The following BRINP3 variants were observed in gnomAD, a reference collection of about 807,000 sequenced individuals.
BRINP3 encodes the protein BMP/retinoic acid inducible neural specific 3, also known as BMP/retinoic acid-inducible neural-specific protein 3.
BRINP3 carries 19 observed loss-of-function variants against 71.0 expected under a neutral mutation model. The ratio of observed to expected loss-of-function variants is 0.27; its 90% confidence interval spans 0.19 to 0.39. The LOEUF (loss-of-function observed/expected upper bound fraction) is 0.39, where lower values mean the gene tolerates loss of function less well. Ranked by LOEUF, BRINP3 falls within the 10% of genes least tolerant of loss-of-function variation. BRINP3 has a pLI of 1.00. For synonymous variants in BRINP3, 380 were observed against 337.7 expected, an observed-to-expected ratio of 1.13 and a Z score of -1.37; for missense variants, 959 against 940.8, an observed-to-expected ratio of 1.02 and a Z score of -0.25.
chr1:190,285,437 T>G lies in BRINP3; in HGVS notation c.237-3687A>C, dbSNP rs1403733545. On this transcript the variant is annotated intron_variant, in intron 2 of 7. Coordinates refer to ENST00000367462, the MANE Select transcript of BRINP3 (RefSeq NM_199051.3). The stretch of plus-strand genomic sequence containing the variant: ...CATATATCCCTAACGCTTAACAGGA[T>G]GAACAAGTGAATGAACTGAAAGTAA... 2.6e-5 allele frequency among the ~76,000 whole-genome samples: 4 copies of G among 152,182 alleles called. No individual in the cohort carries two copies. In the East Asian group the frequency reaches 7.7e-4, roughly 29 times the overall value.
At chr1:190,402,599 G>A (rs1672002293) in intron 2 of BRINP3, among the ~76,000 whole-genome samples, 1 of 152,104 alleles carries the variant, frequency 6.6e-6, no homozygotes, top group Non-Finnish European at 1.5e-5. Context: ...GCTGAACTTA[G>A]GGAATGAATA....
intron 2 of BRINP3, among the ~76,000 whole-genome samples, chr1:190,441,745 G>A (rs1472528426): frequency 6.6e-6 from 1 of 152,050 alleles, no homozygotes; most frequent in Non-Finnish European, 1.5e-5. Flanking sequence ...CACATGCAAT[G>A]CTCTCAAGAG....
At chr1:190,331,846 T>C (rs1666984709) in intron 2 of BRINP3, among the ~76,000 whole-genome samples, 1 of 152,054 alleles carries the variant, frequency 6.6e-6, no homozygotes, top group African/African-American at 2.4e-5. Context: ...AAATTATGCT[T>C]AGCAATGTCA....
rs74129276 is a variant in BRINP3 at position 190,307,963 on chromosome 1, C to A, written c.237-26213G>T. Among the ~76,000 whole-genome samples, 623 of 152,032 alleles carry A rather than the reference C, an allele frequency of 4.1e-3. 8 individuals are homozygous for A. Among genetic ancestry groups the A allele is most frequent in the African/African-American group, 0.014 (586 of 41,526 alleles). On this transcript the variant is annotated intron_variant, in intron 2 of 7. Transcript: ENST00000367462. The stretch of plus-strand genomic sequence containing the variant: ...AAGTCATAGGAATGTGAACCAAACA[C>A]TGAAGCAAGATTTGCTCTGATGACA...
At chr1:190,258,392 T>C (rs2102848690) in intron 4 of BRINP3, among the ~76,000 whole-genome samples, 1 of 152,050 alleles carries the variant, frequency 6.6e-6, no homozygotes, top group African/African-American at 2.4e-5. Flanking sequence ...TTTTAAGAGC[T>C]TTTCAAATAT....
intron 6 of BRINP3, among the ~76,000 whole-genome samples, chr1:190,185,363 G>C (rs1653419935): frequency 6.6e-6 from 1 of 151,908 alleles, no homozygotes; most frequent in African/African-American, 2.4e-5. Context: ...CAAGTCCCTG[G>C]TCATCAGGGA....
At chr1:190,412,013 A>G (rs1036797487) in intron 2 of BRINP3, among the ~76,000 whole-genome samples, 19 of 152,108 alleles carry the variant, frequency 1.2e-4, no homozygotes, top group Non-Finnish European at 2.5e-4. Context: ...TCAGGCCACT[A>G]CTTACTGTAA....
chr1:190,369,876 C>T (rs542583933), intron 2 of BRINP3, among the ~76,000 whole-genome samples: 20 of 151,926 alleles, frequency 1.3e-4, no homozygotes, highest in African/African-American at 3.9e-4. Context: ...TAATTAATAG[C>T]CACTAATTAT....
In BRINP3 at chr1:190,398,011, A is replaced by G. The variant is rs111586638; in HGVS notation, c.236+56644T>C. On this transcript the variant is annotated intron_variant, in intron 2 of 7. Transcript: ENST00000367462. The stretch of plus-strand genomic sequence containing the variant: ...GACTTTATTTTTGGACCATATATGT[A>G]CCTGGAGCATATGTTAAAGGAAGTA... 3.2e-3 allele frequency among the ~76,000 whole-genome samples: 483 copies of G among 152,100 alleles called. 6 individuals are homozygous for G. The highest frequency in any genetic ancestry group is 0.011 in the African/African-American group (455 of 41,520).
intron 3 of BRINP3, among the ~76,000 whole-genome samples, chr1:190,265,728 T>G (rs1266288488): frequency 6.6e-6 from 1 of 151,412 alleles, no homozygotes; most frequent in Non-Finnish European, 1.5e-5. Flanking sequence ...AATAAATAAA[T>G]AAATAAATAA....
At chr1:190,360,911 A>AG (rs1435614749) in intron 2 of BRINP3, among the ~76,000 whole-genome samples, 3 of 152,160 alleles carry the variant, frequency 2.0e-5, no homozygotes, top group African/African-American at 4.8e-5. Flanking sequence ...ACAATATTAA[A>AG]GGGGCATCAA....
intron 2 of BRINP3, among the ~76,000 whole-genome samples, chr1:190,378,114 C>A (rs1321666000): frequency 1.3e-5 from 2 of 152,084 alleles, no homozygotes; most frequent in Non-Finnish European, 2.9e-5. Context: ...TTCTTGACCT[C>A]AAAACCTACT....
chr1:190,426,919 A>T (rs1673745646), intron 2 of BRINP3, among the ~76,000 whole-genome samples: 1 of 151,902 alleles, frequency 6.6e-6, no homozygotes, highest in East Asian at 1.9e-4. Context: ...TAGTATGAGA[A>T]TTAAAAGATA....
At chr1:190,130,691 G>A (rs755285244) in intron 7 of BRINP3, among the ~76,000 whole-genome samples, 4 of 152,042 alleles carry the variant, frequency 2.6e-5, no homozygotes, top group Non-Finnish European at 5.9e-5. Flanking sequence ...TACAGCCAGG[G>A]ATTGTGTTTC....
At chr1:190,232,940 A>G (rs749898688) in intron 5 of BRINP3, among the ~76,000 whole-genome samples, 4 of 152,112 alleles carry the variant, frequency 2.6e-5, no homozygotes, top group African/African-American at 7.2e-5. Context: ...TCAATTAGAG[A>G]AAATGTTTTA....
intron 2 of BRINP3, among the ~76,000 whole-genome samples, chr1:190,426,415 A>G (rs1673711450): frequency 6.6e-6 from 1 of 151,856 alleles, no homozygotes; most frequent in African/African-American, 2.4e-5. Context: ...GGGACCAGAG[A>G]TATTTCAGAT....
At chr1:190,369,302 G>A (rs547664772) in intron 2 of BRINP3, among the ~76,000 whole-genome samples, 144 of 152,120 alleles carry the variant, frequency 9.5e-4, no homozygotes, top group Non-Finnish European at 1.7e-3. Context: ...TTATTCTCAT[G>A]ATTAAAGTAG....
chr1:190,217,920 A>C (rs1656546782), intron 6 of BRINP3, among the ~76,000 whole-genome samples: 1 of 152,062 alleles, frequency 6.6e-6, no homozygotes, highest in Non-Finnish European at 1.5e-5. Flanking sequence ...TTCCAGATCA[A>C]ATATTTACCA....
chr1:190,437,435 C>T (rs1315802521), intron 2 of BRINP3, among the ~76,000 whole-genome samples: 1 of 151,728 alleles, frequency 6.6e-6, no homozygotes, highest in Non-Finnish European at 1.5e-5. Flanking sequence ...TTGCTCTGTC[C>T]AGTAATCCTA....
Sources: gnomAD v4.1 joint callset for allele counts (sites outside exome capture counted in the v4.1 genomes callset) on GRCh38, gnomAD v4.1.1 for gene constraint, MANE v1.5 for transcripts, NCBI Gene and HGNC (gene_info 2026-07-23, HGNC 2026-07-21) for gene names.